USP47: variants seen among roughly 807,000 people sequenced by gnomAD.
USP47 encodes ubiquitin carboxyl-terminal hydrolase 47.
In USP47, 35 loss-of-function variants were observed where a neutral mutation model predicts 165.1. The ratio of observed to expected loss-of-function variants is 0.21; its 90% CI spans 0.16 to 0.28. The LOEUF (loss-of-function observed/expected upper bound fraction) is 0.28, where lower values mean the gene tolerates loss of function less well. USP47 is among the 10% of genes least tolerant of loss of function. The probability of loss-of-function intolerance (pLI) is 1.00; values close to 1 mark genes in which losing one functional copy is unlikely to be tolerated. For synonymous variants in USP47, 531 were observed against 544.5 expected (o/e 0.98, Z 0.35); for missense variants, 1,277 against 1,607.4 (o/e 0.79, Z 3.52).
rs998527544 is a variant in USP47, at chr11:11,960,594, C to T, written c.*4419C>T. ...AGGGAATAAAATCTAACCTCTCCTC[C>T]CTCAACGGAGTGTCAGGGAGGGGAA... On this transcript the variant is annotated 3_prime_UTR_variant, in exon 28 of 28. Coordinates refer to ENST00000527733, the MANE Select transcript of USP47 (RefSeq NM_001282659.2). Among the ~76,000 whole-genome samples the T allele has an allele frequency of 1.3e-5, 2 of 152,180 alleles. No homozygotes were observed. Among genetic ancestry groups the T allele is most frequent in the African/African-American group, 4.8e-5 (2 of 41,434 alleles).
chr11:11,855,037 G>C (rs1228928918), intron 1 of USP47, among the ~76,000 whole-genome samples: 1 of 151,940 alleles, frequency 6.6e-6, no homozygotes, highest in African/African-American at 2.4e-5. Flanking sequence ...GGAGTTTGCA[G>C]TGAGTGGAGA....
chr11:11,876,254 C>T (rs1208516674), intron 1 of USP47, among the ~76,000 whole-genome samples: 1 of 57,082 alleles, frequency 1.8e-5, no homozygotes, highest in Non-Finnish European at 2.9e-5. Flanking sequence ...TCAGGTTCAT[C>T]AGAGAACTCT....
intron 4 of USP47, among the ~76,000 whole-genome samples, chr11:11,892,380 C>CTTTTCT (rs1451386175): frequency 8.3e-6 from 1 of 121,148 alleles, no homozygotes; most frequent in Admixed American, 9.1e-5. Context: ...TTTTAATTTT[C>CTTTTCT]TTTTTTTTTT....
intron 5 of USP47, among the ~76,000 whole-genome samples, chr11:11,899,332 T>C (rs1852045112): frequency 6.6e-6 from 1 of 152,208 alleles, no homozygotes; most frequent in Non-Finnish European, 1.5e-5. Context: ...TTTACAGCAC[T>C]GTAGAGGAAA....
rs758693482 is a variant in USP47 at position 11,903,280 on chromosome 11, G to A, written c.757G>A (p.Val253Ile). The A allele has an allele frequency of 4.3e-6, 7 of 1,610,972 alleles. No individual in the cohort carries two copies. The highest frequency in any genetic ancestry group is 5.9e-6 in the Non-Finnish European group (7 of 1,178,438). The change falls in exon 7 of 28, where the codon GTA (valine) becomes ATA (isoleucine). Residue 253 changes from valine (V) to isoleucine (I), a missense_variant. By Grantham distance (29) the Val-to-Ile change is conservative (BLOSUM62 3). This residue lies in a region of USP47 where 175 missense variants were observed against 295.8 expected (regional missense o/e 0.59). Transcript: ENST00000527733. ...TAAAACAGCTTGGCAGCAGCATGATGTACAAGAACTATGCAGAGTCATGTT... is the reference window on the plus strand; with the variant it reads ...TAAAACAGCTTGGCAGCAGCATGATATACAAGAACTATGCAGAGTCATGTT... ...DSSEAWQQHD[V>I]QELCRVMFDA...
chr11:11,868,826 C>T (rs891954930), intron 1 of USP47, among the ~76,000 whole-genome samples: 4 of 151,338 alleles, frequency 2.6e-5, no homozygotes, highest in South Asian at 2.1e-4. Flanking sequence ...ATTCTGAAAA[C>T]GATGTGGTAA....
chr11:11,941,110 T>C lies in USP47; in HGVS notation c.2313+562T>C, dbSNP rs536824827. On this transcript the variant is annotated intron_variant, in intron 19 of 27. Coordinates refer to ENST00000527733, the MANE Select transcript of USP47 (RefSeq NM_001282659.2). ...GTGTTTGATCATTTATCATTTTTCA[T>C]ATGTGTTTTTATCACTCTAGTCTCA... 7.2e-5 allele frequency among the ~76,000 whole-genome samples: 11 copies of C among 152,172 alleles called. 1 individual carries two copies. In the South Asian group the frequency reaches 1.4e-3, roughly 20 times the overall value.
chr11:11,943,252 G>A (rs1855606559), intron 20 of USP47, 140 bp downstream of exon 20: 8 of 929,218 alleles, frequency 8.6e-6, no homozygotes, highest in South Asian at 1.9e-5. Context: ...TGACGCAGTT[G>A]TAATGAACAC....
At chr11:11,873,064 A>C (rs949194182) in intron 1 of USP47, among the ~76,000 whole-genome samples, 3 of 152,220 alleles carry the variant, frequency 2.0e-5, no homozygotes, top group Non-Finnish European at 2.9e-5. Context: ...AGACTGGAGA[A>C]GATGAGATGA....
At chr11:11,865,738 G>A (rs1389156764) in intron 1 of USP47, among the ~76,000 whole-genome samples, 2 of 151,720 alleles carry the variant, frequency 1.3e-5, no homozygotes, top group African/African-American at 2.4e-5. Context: ...GTGTGAAGTC[G>A]TTACTCTTTG....
intron 1 of USP47, among the ~76,000 whole-genome samples, chr11:11,878,115 C>T (rs1850596014): frequency 6.6e-6 from 1 of 151,926 alleles, no homozygotes; most frequent in Non-Finnish European, 1.5e-5. Context: ...ATAATTTTCC[C>T]ACATGGAAGG....
chr11:11,893,280 C>T (rs1851656078), intron 4 of USP47, among the ~76,000 whole-genome samples: 3 of 151,998 alleles, frequency 2.0e-5, no homozygotes, highest in Admixed American at 2.0e-4. Flanking sequence ...TCAGAGAAGC[C>T]TTTGATTGCA....
chr11:11,894,779 A>G (rs1162497845), intron 4 of USP47, among the ~76,000 whole-genome samples: 1 of 152,142 alleles, frequency 6.6e-6, no homozygotes, highest in Non-Finnish European at 1.5e-5. Flanking sequence ...GCTTTTTTAA[A>G]ACGCTCTTTC....
intron 5 of USP47, among the ~76,000 whole-genome samples, 183 bp from the exon 6 acceptor site, chr11:11,902,529 GTTC>G (rs1263610795): frequency 1.3e-5 from 2 of 152,094 alleles, no homozygotes; most frequent in South Asian, 2.1e-4. Flanking sequence ...AAAGTCTAAA[GTTC>G]TTCTGAATTT....
chr11:11,866,877 ATTTT>A (rs72527617), intron 1 of USP47, among the ~76,000 whole-genome samples: 1 of 145,182 alleles, frequency 6.9e-6, no homozygotes, highest in Non-Finnish European at 1.5e-5. Flanking sequence ...CTCTGACTGC[ATTTT>A]TTTTTTTAAT....
intron 4 of USP47, among the ~76,000 whole-genome samples, chr11:11,895,615 C>T (rs1325050676): frequency 1.3e-5 from 2 of 152,174 alleles, no homozygotes; most frequent in African/African-American, 4.8e-5. Flanking sequence ...CTGTCTCTTT[C>T]CTACCACTTC....
At chr11:11,852,050 A>G (rs1202242698) in intron 1 of USP47, among the ~76,000 whole-genome samples, 3 of 152,126 alleles carry the variant, frequency 2.0e-5, no homozygotes. Context: ...AAGTACTTTG[A>G]TTTAAAGTTA....
chr11:11,940,695 T>C, intron 19 of USP47, 147 bp downstream of exon 19: 1 of 867,430 alleles, frequency 1.2e-6, no homozygotes, highest in Non-Finnish European at 1.7e-6. Context: ...TACCTTCCTT[T>C]GTAGTCAGGT....
chr11:11,945,945 A>T (rs1855802784), intron 20 of USP47, among the ~76,000 whole-genome samples: 2 of 144,638 alleles, frequency 1.4e-5, no homozygotes, highest in African/African-American at 5.0e-5. Flanking sequence ...CCCCCCAAAA[A>T]AAAAAGAAAA....
Sources: allele counts gnomAD v4.1 joint callset (sites outside exome capture counted in the v4.1 genomes callset), GRCh38; gene constraint gnomAD v4.1.1; regional missense constraint gnomAD v4.1.1; transcripts MANE v1.5; gene names NCBI Gene and HGNC (gene_info 2026-07-23, HGNC 2026-07-21).